Variants in MRPL13 observed in about 807,000 individuals in gnomAD.
The protein encoded by MRPL13 is large ribosomal subunit protein uL13m.
MRPL13 carries 33 observed loss-of-function variants against 29.0 expected under a neutral mutation model. The observed-to-expected ratio is 1.14, with a 90% CI of 0.86 to 1.52. The LOEUF is 1.52. Ranked by LOEUF, MRPL13 falls within the 40% of genes most tolerant of loss-of-function variation. The pLI is 0.00. For synonymous variants in MRPL13, 77 were observed against 68.4 expected, an observed-to-expected ratio of 1.13 and a Z score of -0.62; for missense variants, 227 against 216.7, an observed-to-expected ratio of 1.05 and a Z score of -0.30.
intron 5 of MRPL13, chr8:120,415,378 G>A (rs1412036090): frequency 1.3e-5 from 2 of 152,146 alleles, no homozygotes; most frequent in African/African-American, 4.8e-5. Context: ...ACTATTACAA[G>A]TGGGAATCCA....
rs1586924054 is a variant in MRPL13 at position 120,424,469 on chromosome 8, T to C, written c.306+837A>G. 2.6e-5 allele frequency among the ~76,000 whole-genome samples: 4 copies of C among 151,682 alleles called. No individual in the cohort carries two copies. In the South Asian group the frequency reaches 8.3e-4, roughly 32 times the overall value. ...AGATCCTGTCTTTAAAAACATAAAT[T>C]AAAAACAGAGTAAAGTCTGAGTGTG... On this transcript the variant is annotated intron_variant, in intron 4 of 6. Transcript: ENST00000306185.
At chr8:120,434,980 A>C (rs2130482390) in intron 2 of MRPL13, among the ~76,000 whole-genome samples, 1 of 152,294 alleles carries the variant, frequency 6.6e-6, no homozygotes, top group East Asian at 1.9e-4. Context: ...GTTTACAAAA[A>C]TCCCTAGTGT....
intron 6 of MRPL13, among the ~76,000 whole-genome samples, chr8:120,397,095 CAGTG>C (rs1812533476): frequency 6.6e-6 from 1 of 152,178 alleles, no homozygotes; most frequent in Admixed American, 6.5e-5. Flanking sequence ...CCACGGGAAG[CAGTG>C]AGTGATTGTG....
intron 3 of MRPL13, among the ~76,000 whole-genome samples, chr8:120,426,390 G>A (rs1423689779): frequency 2.6e-5 from 4 of 152,098 alleles, no homozygotes; most frequent in Non-Finnish European, 5.9e-5. Context: ...GAAGTTTGCT[G>A]AGAAAGATGG....
chr8:120,404,267 T>C (rs963777079), intron 6 of MRPL13, among the ~76,000 whole-genome samples: 3 of 152,170 alleles, frequency 2.0e-5, no homozygotes, highest in Non-Finnish European at 2.9e-5. Context: ...CTCCACTCAA[T>C]AGAATTAAAT....
chr8:120,405,763 T>G (rs764386189), intron 6 of MRPL13, among the ~76,000 whole-genome samples: 8 of 152,212 alleles, frequency 5.3e-5, no homozygotes, highest in Non-Finnish European at 1.2e-4. Flanking sequence ...TATGGTAACA[T>G]GCAAACTAGA....
intron 2 of MRPL13, among the ~76,000 whole-genome samples, chr8:120,434,539 TACC>T (rs1167791776): frequency 6.6e-6 from 1 of 152,122 alleles, no homozygotes; most frequent in Non-Finnish European, 1.5e-5. Flanking sequence ...TTACCATTTC[TACC>T]ACAACCAGAT....
rs1586914666 is a variant in MRPL13 at position 120,395,441 on chromosome 8, C to T, written c.*663G>A. The T allele has an allele frequency of 6.6e-6, 1 of 152,108 alleles. No individual in the cohort carries two copies. Among genetic ancestry groups the T allele is most frequent in the African/African-American group, 2.4e-5 (1 of 41,388 alleles). The allele number at this position is 152,108 out of a possible 1,614,324, so 9.4% of individuals were successfully genotyped here. A position where few individuals can be genotyped will look rare whatever the true frequency, so the allele number is the denominator to read the frequency against. On this transcript the variant is annotated 3_prime_UTR_variant, in exon 7 of 7. Coordinates refer to ENST00000306185, the MANE Select transcript of MRPL13 (RefSeq NM_014078.6). ...CAGCACCCCAATCTAAGTGCCAGTA[C>T]AGAGATGAATGGAAGCCAACAGGAC...
At chr8:120,425,053 G>A (rs1812916456) in intron 4 of MRPL13, among the ~76,000 whole-genome samples, 1 of 152,024 alleles carries the variant, frequency 6.6e-6, no homozygotes, top group African/African-American at 2.4e-5. Context: ...AGGTGATTAT[G>A]CAGGTATCAA....
intron 2 of MRPL13, among the ~76,000 whole-genome samples, chr8:120,442,462 T>C (rs1231388916): frequency 6.6e-6 from 1 of 152,222 alleles, no homozygotes; most frequent in Non-Finnish European, 1.5e-5. Flanking sequence ...ATAATTGTTA[T>C]GGTTAATTTT....
chr8:120,398,936 A>AAAC (rs1812554784), intron 6 of MRPL13, among the ~76,000 whole-genome samples: 1 of 149,312 alleles, frequency 6.7e-6, no homozygotes, highest in Non-Finnish European at 1.5e-5. Flanking sequence ...CACACACACA[A>AAAC]ACACACACAC....
intron 6 of MRPL13, among the ~76,000 whole-genome samples, chr8:120,402,581 T>C (rs1287297764): frequency 6.6e-6 from 1 of 152,138 alleles, no homozygotes; most frequent in Admixed American, 6.5e-5. Context: ...ATTCAGGACA[T>C]AGGCATGGGC....
chr8:120,442,177 C>T (rs185945284), intron 2 of MRPL13, among the ~76,000 whole-genome samples: 29 of 152,130 alleles, frequency 1.9e-4, no homozygotes, highest in African/African-American at 7.0e-4. Context: ...TTATTTCTAC[C>T]AGAATAGTCA....
rs138881960 is a variant in MRPL13, at chr8:120,429,965, T to C, written c.245+2065A>G. ...CATGTTCAGTATTGACACAATTAAA[T>C]AGAAAAAAATTACACGCCGGGTGCA... On this transcript the variant is annotated intron_variant, in intron 3 of 6. Transcript: ENST00000306185. Among the ~76,000 whole-genome samples the C allele has an allele frequency of 2.7e-3, 417 of 152,118 alleles. 2 individuals carry two copies. Among genetic ancestry groups the C allele is most frequent in the African/African-American group, 9.0e-3 (372 of 41,514 alleles).
chr8:120,409,044 C>G (rs1586919298), intron 6 of MRPL13, among the ~76,000 whole-genome samples: 1 of 152,160 alleles, frequency 6.6e-6, no homozygotes, highest in Admixed American at 6.5e-5. Flanking sequence ...ACTTCCTTGT[C>G]TTCATCCTTA....
intron 4 of MRPL13, among the ~76,000 whole-genome samples, chr8:120,422,899 G>T (rs1356125405): frequency 6.6e-6 from 1 of 151,656 alleles, no homozygotes; most frequent in Non-Finnish European, 1.5e-5. Context: ...AGAATTCCTG[G>T]AGATGAAGTT....
chr8:120,432,170 T>G (rs370356676), intron 2 of MRPL13, 47 bp from the exon 3 acceptor site: 45 of 1,421,142 alleles, frequency 3.2e-5, no homozygotes, highest in Non-Finnish European at 4.1e-5. Context: ...ATAAAAACCT[T>G]AAGAAAAAGT....
chr8:120,444,680 T>C (rs1269566500), intron 1 of MRPL13, among the ~76,000 whole-genome samples: 1 of 152,128 alleles, frequency 6.6e-6, no homozygotes, highest in African/African-American at 2.4e-5. Flanking sequence ...GTGCTCCTTT[T>C]GACACCAGGT....
intron 6 of MRPL13, among the ~76,000 whole-genome samples, chr8:120,400,869 A>G (rs1812587528): frequency 6.6e-6 from 1 of 152,060 alleles, no homozygotes. Context: ...AGGATACTAT[A>G]AACAGCTCTA....
Sources: allele counts gnomAD v4.1 joint callset (sites outside exome capture counted in the v4.1 genomes callset), GRCh38; gene constraint gnomAD v4.1.1; transcripts MANE v1.5; gene names NCBI Gene and HGNC (gene_info 2026-07-23, HGNC 2026-07-21).